Variants in PLXNA1 observed in about 807,000 individuals in gnomAD.
PLXNA1 encodes the protein plexin A1.
A neutral mutation model predicts 191.7 loss-of-function variants in PLXNA1; 77 were observed. That is an observed-to-expected ratio of 0.40 (90% confidence interval 0.33 to 0.49). The LOEUF (loss-of-function observed/expected upper bound fraction) is 0.49, where lower values mean the gene tolerates loss of function less well. Ranked by LOEUF, PLXNA1 falls within the 20% of genes least tolerant of loss-of-function variation. PLXNA1 has a pLI of 0.63. For synonymous variants in PLXNA1, 1,137 were observed against 1,156.4 expected (o/e 0.98, Z 0.34); for missense variants, 2,110 against 2,660.2 (o/e 0.79, Z 4.55).
chr3:127,033,477 G>T (rs1434931951), intron 31 of PLXNA1, among the ~76,000 whole-genome samples: 1 of 152,198 alleles, frequency 6.6e-6, no homozygotes, highest in Non-Finnish European at 1.5e-5. Flanking sequence ...CAGACAGGAG[G>T]CAGAGGGCTG....
chr3:127,000,220 G>A (rs2079033331), intron 3 of PLXNA1, among the ~76,000 whole-genome samples: 1 of 152,150 alleles, frequency 6.6e-6, no homozygotes, highest in African/African-American at 2.4e-5. Context: ...AAGATTTGCA[G>A]AGCAAGGAGG....
Position 127,001,694 on chromosome 3 carries a change from C to T in PLXNA1, c.1378-1636C>T, listed in dbSNP as rs191086070. On this transcript the variant is annotated intron_variant, in intron 3 of 31. Transcript: ENST00000393409. ...CCACTCCCTGGTGGCTGTCTTAAGCCGCTGGCTTGGATGTGTGGTTGGCTG... is the reference window on the plus strand; with the variant it reads ...CCACTCCCTGGTGGCTGTCTTAAGCTGCTGGCTTGGATGTGTGGTTGGCTG... Among the ~76,000 whole-genome samples the T allele has an allele frequency of 1.1e-4, 17 of 152,364 alleles. No homozygotes were observed. In the East Asian group the frequency reaches 1.9e-3, roughly 17 times the overall value.
At chr3:127,024,932 C>A (rs1381161527) in intron 23 of PLXNA1, among the ~76,000 whole-genome samples, 1 of 152,096 alleles carries the variant, frequency 6.6e-6, no homozygotes, top group Non-Finnish European at 1.5e-5. Flanking sequence ...AGAGCAGTTC[C>A]AGATTCATAG....
At chr3:127,022,889 G>A (rs1559964502) in intron 23 of PLXNA1, 71 bp downstream of exon 23, 1 of 1,298,910 alleles carries the variant, frequency 7.7e-7, no homozygotes, top group Non-Finnish European at 1.1e-6. Context: ...GAGAGAGGTG[G>A]GGATTAGTGG....
In PLXNA1 at chr3:127,014,021, AC is replaced by A; in HGVS notation, c.2316del (p.Ser773ProfsTer12). 1 of 1,613,354 alleles carries A rather than the reference AC, an allele frequency of 6.2e-7. No homozygotes were observed. On this transcript the variant is annotated frameshift_variant and splice_region_variant, in exon 11 of 32. Transcript: ENST00000393409. LOFTEE classifies it high-confidence loss of function. ...CCTGACGGTGCCATCACCTAACAGT[AC>A]TCCTACGAGGGGAACGATGTCAGCG... The part of the protein sequence containing the change: ...SSSLQCQNSS[Y>X]SYEGNDVSDL...
At chr3:127,015,870 C>T (rs1363251192) in intron 15 of PLXNA1, among the ~76,000 whole-genome samples, 3 of 152,104 alleles carry the variant, frequency 2.0e-5, no homozygotes, top group East Asian at 1.9e-4. Context: ...GGGGTGTCCC[C>T]GTGACCCCCA....
Position 126,991,468 on chromosome 3 carries a change from T to A in PLXNA1, c.1279T>A (p.Phe427Ile). The change falls in exon 3 of 32, where the codon TTC becomes ATC. Residue 427 changes from phenylalanine to isoleucine, a missense_variant. Coordinates refer to ENST00000393409, the MANE Select transcript of PLXNA1 (RefSeq NM_032242.4). The part of the protein sequence containing the change: ...GTVTIEGTPL[F>I]VDKDDGLTAV... ...AGTCACCATTGAGGGGACGCCCCTGTTCGTGGACAAGGATGATGGCCTGAC... is the reference window on the plus strand; with the variant it reads ...AGTCACCATTGAGGGGACGCCCCTGATCGTGGACAAGGATGATGGCCTGAC... 6.2e-7 allele frequency: 1 copy of A among 1,612,830 alleles called. No homozygotes were observed. The highest frequency in any genetic ancestry group is 8.5e-7 in the Non-Finnish European group (1 of 1,179,852).
Position 126,989,087 on chromosome 3 carries a change from A to T in PLXNA1, c.494A>T (p.Glu165Val). Residue 165 changes from glutamate (E) to valine (V), a missense_variant, in exon 2 of 32, where the codon GAG becomes GTG. Glu to Val is a moderately radical substitution (Grantham distance 121, BLOSUM62 -2). This residue lies in a region of PLXNA1 where 903 missense variants were observed against 1,015.7 expected (regional missense o/e 0.89). Transcript: ENST00000393409. ...GAGCACTACCTGTCCAGCGTGCAGG[A>T]GGCAGGCAGCATGGCGGGCGTGCTC... ...RKEHYLSSVQ[E>V]AGSMAGVLIA... 2 of 1,613,408 alleles carry T rather than the reference A, an allele frequency of 1.2e-6. No individual in the cohort carries two copies. The highest frequency in any genetic ancestry group is 1.7e-6 in the Non-Finnish European group (2 of 1,180,030).
intron 2 of PLXNA1, 47 bp from the exon 3 acceptor site, chr3:126,991,337 G>A (rs756300954): frequency 2.2e-5 from 35 of 1,601,454 alleles, no homozygotes; most frequent in African/African-American, 9.4e-5. Flanking sequence ...CCAGTCCTCC[G>A]GGAGAAGGTG....
intron 31 of PLXNA1, 75 bp downstream of exon 31, chr3:127,032,911 G>T: frequency 2.1e-6 from 3 of 1,454,114 alleles, no homozygotes; most frequent in Non-Finnish European, 1.9e-6. Context: ...GCTCTGCCCC[G>T]CCCTGCCACT....
chr3:127,022,196 C>G lies in PLXNA1; in HGVS notation c.4150C>G (p.Arg1384Gly), dbSNP rs368240880. 1 of 1,613,350 alleles carries G rather than the reference C, an allele frequency of 6.2e-7. No individual in the cohort carries two copies. ...GGAGGCACAGCGCAGCTTCTCCATG[C>G]GCGACCGCGGGAATGTGGCCTCGCT... is the stretch of plus-strand genomic sequence containing the variant. ...TLEAQRSFSM[R>G]DRGNVASLIM... Residue 1384 changes from arginine (R) to glycine (G), a missense_variant, in exon 22 of 32, where the codon CGC becomes GGC. Physicochemically the swap from Arg to Gly is moderately radical, Grantham distance 125 (BLOSUM62 -2). Coordinates refer to ENST00000393409, the MANE Select transcript of PLXNA1 (RefSeq NM_032242.4).
chr3:127,018,625 T>G, intron 20 of PLXNA1, 97 bp downstream of exon 20: 2 of 905,900 alleles, frequency 2.2e-6, no homozygotes, highest in Non-Finnish European at 3.4e-6. Flanking sequence ...CCCACCCTGC[T>G]TCAGCTCAGT....
chr3:127,031,083 CCCCTGGGACAGTGACCTGCTTCTT>C (rs1222120273), intron 29 of PLXNA1, among the ~76,000 whole-genome samples: 2 of 152,202 alleles, frequency 1.3e-5, no homozygotes, highest in Admixed American at 1.3e-4. Flanking sequence ...GCCTGGCCCA[CCCCTGGGACAGTGACCTGCTTCTT>C]CCCTGGTCAT....
intron 25 of PLXNA1, 84 bp downstream of exon 25, chr3:127,028,424 AAGGCC>A: frequency 6.9e-7 from 1 of 1,445,902 alleles, no homozygotes; most frequent in Non-Finnish European, 9.2e-7. Flanking sequence ...CTTGGCGGGG[AAGGCC>A]AGGCCAGTCC....
At chr3:127,006,246 C>A in intron 8 of PLXNA1, 68 bp downstream of exon 8, 1 of 1,227,428 alleles carries the variant, frequency 8.1e-7, no homozygotes, top group Non-Finnish European at 1.2e-6. Flanking sequence ...TCCCTGTGGT[C>A]CCACTGTGCT....
intron 31 of PLXNA1, among the ~76,000 whole-genome samples, chr3:127,033,127 A>G (rs553001909): frequency 8.1e-4 from 124 of 152,242 alleles, no homozygotes; most frequent in African/African-American, 2.5e-3. Context: ...GTGGTGAGCA[A>G]CTTCCCTGAG....
rs573498891 is a variant in PLXNA1 at position 127,006,088 on chromosome 3, G to A, written c.1907G>A (p.Arg636Gln). ...CATGCTGCTCGTGCAGGAGACCAGC[G>A]GGTGGTGAAACTCTACCTAAAGTCC... ...APITRGQGDQ[R>Q]VVKLYLKSKE... The change falls in exon 8 of 32, where the codon CGG (arginine) becomes CAG (glutamine). Residue 636 changes from arginine to glutamine, a missense_variant. Transcript: ENST00000393409. 44 of 1,613,628 alleles carry A rather than the reference G, an allele frequency of 2.7e-5. No individual in the cohort carries two copies. The highest frequency in any genetic ancestry group is 2.3e-4 in the South Asian group (21 of 91,080).
At chr3:126,991,934 C>T (rs1305601843) in intron 3 of PLXNA1, among the ~76,000 whole-genome samples, 2 of 152,286 alleles carry the variant, frequency 1.3e-5, no homozygotes, top group East Asian at 1.9e-4. Flanking sequence ...CCCTCTGGGC[C>T]CTGCTCCCCA....
chr3:127,022,358 C>T lies in PLXNA1; in HGVS notation c.4295+17C>T. On this transcript the variant is annotated intron_variant, in intron 22 of 31. Transcript: ENST00000393409. ...ACTGCGCCGGTGAGCCTGGGGGGCA[C>T]TGGGGTTGGGGGAGGCAGGCCCATG... is the stretch of plus-strand genomic sequence containing the variant. The T allele has an allele frequency of 1.9e-6, 3 of 1,601,974 alleles. No individual in the cohort carries two copies. The highest frequency in any genetic ancestry group is 2.6e-6 in the Non-Finnish European group (3 of 1,171,380).
Sources: gnomAD v4.1 joint callset for allele counts (sites outside exome capture counted in the v4.1 genomes callset) on GRCh38, gnomAD v4.1.1 for gene constraint, gnomAD v4.1.1 regional missense constraint, MANE v1.5 for transcripts, NCBI Gene and HGNC (gene_info 2026-07-23, HGNC 2026-07-21) for gene names.